The following SH2B1 variants were observed in gnomAD, a reference collection of about 807,000 sequenced individuals.
SH2B1 encodes the protein SH2B adapter protein 1.
Under a neutral mutation model 62.6 loss-of-function variants are expected in SH2B1, and 15 were observed. The ratio of observed to expected loss-of-function variants is 0.24; its 90% CI spans 0.16 to 0.37. The LOEUF is 0.37. SH2B1 is among the 10% of genes least tolerant of loss of function. SH2B1 has a pLI of 1.00. For synonymous variants in SH2B1, 443 were observed against 438.0 expected (o/e 1.01, Z -0.14); for missense variants, 925 against 1,015.6 (o/e 0.91, Z 1.21).
intron 1 of SH2B1, among the ~76,000 whole-genome samples, chr16:28,854,923 T>C (rs1962285585): frequency 6.6e-6 from 1 of 152,184 alleles, no homozygotes; most frequent in Non-Finnish European, 1.5e-5. Flanking sequence ...TCGCCCAGGC[T>C]GGAGTGCAGT....
intron 1 of SH2B1, among the ~76,000 whole-genome samples, chr16:28,852,317 CAT>C (rs1184311582): frequency 2.0e-4 from 9 of 45,794 alleles, no homozygotes; most frequent in Admixed American, 3.8e-4. Flanking sequence ...TATATATTTA[CAT>C]ATATATATTT....
intron 1 of SH2B1, among the ~76,000 whole-genome samples, chr16:28,852,965 A>C (rs1287836467): frequency 1.3e-5 from 1 of 74,514 alleles, no homozygotes; most frequent in Admixed American, 2.2e-4. Flanking sequence ...ATATGTACAT[A>C]TATATGTACA....
rs1962117440 is a variant in SH2B1, at chr16:28,852,209, T to TATATATTTAC, written c.-301+5388_-301+5389insTTACATATAT. On this transcript the variant is annotated intron_variant, in intron 1 of 10. Transcript: ENST00000322610. ...ATATATTTTTATTTATATATTTACATATATATATTTACATATATATTTACA... is the reference window on the plus strand; with the variant it reads ...ATATATTTTTATTTATATATTTACATATATATTTACATATATATTTACATATATATTTACA... Among the ~76,000 whole-genome samples the TATATATTTAC allele has an allele frequency of 5.1e-5, 4 of 78,816 alleles. 1 individual carries two copies. The highest frequency in any genetic ancestry group is 2.7e-4 in the African/African-American group (4 of 14,928). The allele number at this position is 78,816 out of a possible 152,430, so 51.7% of individuals were successfully genotyped here. A position where few individuals can be genotyped will look rare whatever the true frequency, so the allele number is the denominator to read the frequency against.
rs550079240 is a variant in SH2B1 at position 28,873,264 on chromosome 16, C to G, written c.1898-183C>G. 1.2e-4 allele frequency: 185 copies of G among 1,607,830 alleles called. 4 individuals carry two copies. In the South Asian group the frequency reaches 2.0e-3, roughly 18 times the overall value. On this transcript the variant is annotated intron_variant, in intron 7 of 7. Transcript: ENST00000684370. The surrounding 1 kb of genome is among the most constrained non-coding windows in gnomAD (Gnocchi z 4.2). ...CCCTCATGCCCTTCGGAGCGAGTGA[C>G]TGTGTGTAAGTGTGGTCCTCCTCTC...
In SH2B1 at chr16:28,869,283, C is replaced by G; in HGVS notation, c.1209C>G (p.Asn403Lys). 6.2e-7 allele frequency: 1 copy of G among 1,614,146 alleles called. No homozygotes were observed. Among genetic ancestry groups the G allele is most frequent in the South Asian group, 1.1e-5 (1 of 91,086 alleles). The change falls in exon 4 of 8, where the codon AAC (asparagine) becomes AAG (lysine). Residue 403 changes from asparagine to lysine, a missense_variant. Asn to Lys is a moderately conservative substitution (Grantham distance 94). This residue lies in a region of SH2B1 where 683 missense variants were observed against 704.0 expected (regional missense o/e 0.97). Transcript: ENST00000684370. ...GGACCTCATTCCTTACAAGGGAGAA[C>G]ACAGACAGCCTGGAGCTGTCCTGCC... ...APGTSFLTRENTDSLELSCLN... is the reference protein window; with the variant it reads ...APGTSFLTREKTDSLELSCLN...
chr16:28,858,799 G>T (rs772122415), intron 1 of SH2B1, among the ~76,000 whole-genome samples: 9 of 151,828 alleles, frequency 5.9e-5, no homozygotes, highest in Non-Finnish European at 1.2e-4. Flanking sequence ...AATTAGCCAG[G>T]CCTGGTGGCG....
chr16:28,857,143 C>T (rs7499878), intron 1 of SH2B1, among the ~76,000 whole-genome samples: 39,595 of 151,788 alleles, frequency 0.26, 5,785 homozygotes, highest in South Asian at 0.64. Context: ...ATTAGCTGGA[C>T]GCGGTGATGC....
Position 28,873,576 on chromosome 16 carries a change from A to G in SH2B1, c.2027A>G (p.Glu676Gly). 1 of 1,586,892 alleles carries G rather than the reference A, an allele frequency of 6.3e-7. No individual in the cohort carries two copies. The highest frequency in any genetic ancestry group is 8.6e-7 in the Non-Finnish European group (1 of 1,166,940). ...VAAAAAAAAK[E>G]RQEKEKAGGG... ...GCAGCAGCAGCCGCAGCAGCCAAAG[A>G]GAGGCAAGAGAAAGAGAAAGCGGGC... The change falls in exon 8 of 8, where the codon GAG becomes GGG. Residue 676 changes from glutamate (E) to glycine (G), a missense_variant. By Grantham distance (98) the Glu-to-Gly change is moderately conservative. Transcript: ENST00000684370. The surrounding 1 kb of genome is among the most constrained non-coding windows in gnomAD (Gnocchi z 4.2).
chr16:28,854,896 G>T (rs2152160716), intron 1 of SH2B1, among the ~76,000 whole-genome samples: 1 of 152,234 alleles, frequency 6.6e-6, no homozygotes, highest in East Asian at 1.9e-4. Flanking sequence ...TTTGTTTTGA[G>T]ACAGAGTCTC....
rs572342531 is a variant in SH2B1, at chr16:28,872,294, T to C, written c.1618T>C (p.Leu540=). 1 of 1,614,092 alleles carries C rather than the reference T, an allele frequency of 6.2e-7. No homozygotes were observed. Among genetic ancestry groups the C allele is most frequent in the South Asian group, 1.1e-5 (1 of 91,088 alleles). ...GCTCTCTCGGCTCAAGGCTGCACAG[T>C]TGGTGCTGACTGGCGGCACTGGCTC... The part of the protein sequence containing the change: ...GMLSRLKAAQ[L]VLTGGTGSHG... Residue 540 remains leucine, a synonymous_variant, in exon 6 of 8, where the codon TTG becomes CTG. Transcript: ENST00000684370. This position sits in a 1 kb window ranked among gnomAD's most constrained non-coding sequence, Gnocchi z 5.3.
chr16:28,866,573 G>A lies in SH2B1; in HGVS notation c.479G>A (p.Arg160His), dbSNP rs767233616. The change falls in exon 1 of 8, where the codon CGC (arginine) becomes CAC (histidine). Residue 160 changes from arginine to histidine, a missense_variant. Around this residue, in one of 3 missense-constraint regions of SH2B1, gnomAD observed 683 missense variants for 704.0 expected, o/e 0.97. Coordinates refer to ENST00000684370, the MANE Select transcript of SH2B1 (RefSeq NM_001387430.1). The surrounding 1 kb of genome is among the most constrained non-coding windows in gnomAD (Gnocchi z 6.3). ...CGCTTTTCCCTGCGTTCAGTGGGTCGCTCTGTCCGAGGCTCAGTCCGTGGC... is the reference window on the plus strand; with the variant it reads ...CGCTTTTCCCTGCGTTCAGTGGGTCACTCTGTCCGAGGCTCAGTCCGTGGC... ...KKRFSLRSVGRSVRGSVRGIL... is the reference protein window; with the variant it reads ...KKRFSLRSVGHSVRGSVRGIL... 1.9e-6 allele frequency: 3 copies of A among 1,613,918 alleles called. No homozygotes were observed. Among genetic ancestry groups the A allele is most frequent in the East Asian group, 2.2e-5 (1 of 44,850 alleles).
In SH2B1 at chr16:28,872,463, C is replaced by G; in HGVS notation, c.1725+62C>G. The G allele has an allele frequency of 6.4e-7, 1 of 1,572,378 alleles. No individual in the cohort carries two copies. Among genetic ancestry groups the G allele is most frequent in the Non-Finnish European group, 8.7e-7 (1 of 1,155,362 alleles). ...TAGTTGGCAGTGGGGTGGGGGAGCACTGCCGGGGGAGGGGGTTTGTACCTG... is the reference window on the plus strand; with the variant it reads ...TAGTTGGCAGTGGGGTGGGGGAGCAGTGCCGGGGGAGGGGGTTTGTACCTG... On this transcript the variant is annotated intron_variant, in intron 6 of 7. Transcript: ENST00000684370. The surrounding 1 kb of genome is among the most constrained non-coding windows in gnomAD (Gnocchi z 5.3).
chr16:28,862,793 T>C (rs961367597), upstream of SH2B1: 3 of 146,584 alleles, frequency 2.0e-5, no homozygotes, highest in Non-Finnish European at 4.5e-5. Flanking sequence ...ATTTTTTGTA[T>C]TTTTAGTACA....
chr16:28,869,486 C>T, intron 4 of SH2B1, 103 bp downstream of exon 4: 4 of 1,093,348 alleles, frequency 3.7e-6, no homozygotes, highest in East Asian at 2.6e-5. Flanking sequence ...GCCCCCATCC[C>T]TGTTTTCCAG....
intron 1 of SH2B1, among the ~76,000 whole-genome samples, chr16:28,858,472 C>T (rs189080436): frequency 4.6e-5 from 7 of 152,082 alleles, no homozygotes; most frequent in African/African-American, 9.6e-5. Context: ...GCCAAGATCG[C>T]GCCACTGCAC....
In SH2B1 at chr16:28,866,224, C is replaced by T. The variant is rs754174914; in HGVS notation, c.130C>T (p.Arg44Cys). 3.5e-5 allele frequency: 57 copies of T among 1,609,884 alleles called. No individual in the cohort carries two copies. Among genetic ancestry groups the T allele is most frequent in the Non-Finnish European group, 4.4e-5 (52 of 1,179,118 alleles). ...ARAAALDFAR[R>C]FRLYLASHPQ... ...GGCTGCGGCTCTGGACTTTGCCCGC[C>T]GTTTTCGCCTCTACCTGGCCTCCCA... Residue 44 changes from arginine (R) to cysteine (C), a missense_variant, in exon 1 of 8, where the codon CGT (arginine) becomes TGT (cysteine). Around this residue, in one of 3 missense-constraint regions of SH2B1, gnomAD observed 683 missense variants for 704.0 expected, o/e 0.97. Coordinates refer to ENST00000684370, the MANE Select transcript of SH2B1 (RefSeq NM_001387430.1). The surrounding 1 kb of genome is among the most constrained non-coding windows in gnomAD (Gnocchi z 6.3).
At chr16:28,867,499 G>A in intron 2 of SH2B1, 67 bp downstream of exon 2, 2 of 1,234,686 alleles carry the variant, frequency 1.6e-6, no homozygotes, top group Admixed American at 1.7e-5. Context: ...GCGCATTTAA[G>A]CAAGTGGCGT....
chr16:28,868,035 G>A (rs1380505273), intron 2 of SH2B1, among the ~76,000 whole-genome samples: 1 of 152,194 alleles, frequency 6.6e-6, no homozygotes. Flanking sequence ...TGCCATGTTC[G>A]GCAGGCTGGT....
chr16:28,852,782 T>A lies in SH2B1; in HGVS notation c.-301+5955T>A, dbSNP rs1371631572. Among the ~76,000 whole-genome samples the A allele has an allele frequency of 4.0e-4, 27 of 67,658 alleles. 5 individuals carry two copies. The highest frequency in any genetic ancestry group is 9.4e-4 in the South Asian group (2 of 2,122). 44.4% of individuals were successfully genotyped at this position (67,658 alleles called of 152,430 possible). A position where few individuals can be genotyped will look rare whatever the true frequency, so the allele number is the denominator to read the frequency against. On this transcript the variant is annotated intron_variant, in intron 1 of 10. Coordinates refer to the SH2B1 transcript ENST00000322610. Reference sequence around the variant, plus strand: ...TGTATATATATATTTATATATATATTTACATATATATTTACATATATATTT... The same window carrying A: ...TGTATATATATATTTATATATATATATACATATATATTTACATATATATTT...
Sources: allele counts gnomAD v4.1 joint callset (sites outside exome capture counted in the v4.1 genomes callset), GRCh38; gene constraint gnomAD v4.1.1; regional missense constraint gnomAD v4.1.1; non-coding constraint Gnocchi (gnomAD v3.1); transcripts MANE v1.5; gene names NCBI Gene and HGNC (gene_info 2026-07-23, HGNC 2026-07-21).